The following SLC7A6 variants were observed in gnomAD, a reference collection of about 807,000 sequenced individuals.
The protein encoded by SLC7A6 is solute carrier family 7 member 6.
In SLC7A6, 29 loss-of-function variants were observed where a neutral mutation model predicts 46.6. The observed-to-expected ratio is 0.62, with a 90% CI of 0.46 to 0.85. The LOEUF is 0.85. Ranked by LOEUF, SLC7A6 falls within the 40% of genes least tolerant of loss-of-function variation. SLC7A6 has a pLI of 0.00. For missense variants in SLC7A6, 527 were observed against 647.6 expected (o/e 0.81, Z 2.02); for synonymous variants, 276 against 257.3 (o/e 1.07, Z -0.70).
chr16:68,271,337 C>T (rs1456427201), intron 2 of SLC7A6, among the ~76,000 whole-genome samples: 1 of 152,186 alleles, frequency 6.6e-6, no homozygotes, highest in African/African-American at 2.4e-5. Context: ...GAGACAGGGT[C>T]TCTGTCACCC....
rs561157186 is a variant in SLC7A6 at position 68,283,160 on chromosome 16, T to C, written c.524-4586T>C. ...GCACAGTTCTGCGAGAGGGTGCATA[T>C]GTTATTCACTATTAACTTGGGTTTC... On this transcript the variant is annotated intron_variant, in intron 3 of 10. Transcript: ENST00000219343. Among the ~76,000 whole-genome samples, 33 of 152,354 alleles carry C rather than the reference T, an allele frequency of 2.2e-4. 2 individuals are homozygous for C. The highest frequency in any genetic ancestry group is 6.2e-4 in the South Asian group (3 of 4,830).
In SLC7A6 at chr16:68,291,058, G is replaced by T. The variant is rs1339875509; in HGVS notation, c.795-151G>T. The T allele has an allele frequency of 4.4e-6, 4 of 912,628 alleles. No homozygotes were observed. In the African/African-American group the frequency reaches 6.7e-5, roughly 15 times the overall value. 56.5% of individuals were successfully genotyped at this position (912,628 alleles called of 1,614,324 possible). ...AAAGTTGGGTCTTTCTCAATAGAAA[G>T]AACCCAGGGTCAAGGGGAAGGTGAG... On this transcript the variant is annotated intron_variant, in intron 5 of 10. Transcript: ENST00000219343.
intron 3 of SLC7A6, 140 bp from the exon 4 acceptor site, chr16:68,287,606 C>T: frequency 6.6e-7 from 1 of 1,510,200 alleles, no homozygotes; most frequent in Admixed American, 2.1e-5. Context: ...CCCTCGCTTG[C>T]CAGTTCGCCT....
Position 68,300,648 on chromosome 16 carries a change from T to A in SLC7A6, c.*3320T>A. 1 of 985,460 alleles carries A rather than the reference T, an allele frequency of 1.0e-6. No individual in the cohort carries two copies. The highest frequency in any genetic ancestry group is 1.2e-6 in the Non-Finnish European group (1 of 829,934). The allele number at this position is 985,460 out of a possible 1,614,324, so 61.0% of individuals were successfully genotyped here. ...TCAAAGCTAGATTTTACTAAACACA[T>A]GTATCACATTCATATATATTGTTTC... is the stretch of plus-strand genomic sequence containing the variant. On this transcript the variant is annotated 3_prime_UTR_variant, in exon 11 of 11. Coordinates refer to ENST00000219343, the MANE Select transcript of SLC7A6 (RefSeq NM_003983.6).
At chr16:68,280,549 G>A (rs551759051) in intron 3 of SLC7A6, among the ~76,000 whole-genome samples, 28 of 151,780 alleles carry the variant, frequency 1.8e-4, no homozygotes, top group African/African-American at 5.6e-4. Flanking sequence ...ATTCCTGCCC[G>A]ATAAAATAAG....
At chr16:68,281,128 C>T (rs1331234881) in intron 3 of SLC7A6, among the ~76,000 whole-genome samples, 1 of 152,202 alleles carries the variant, frequency 6.6e-6, no homozygotes, top group African/African-American at 2.4e-5. Context: ...TTTGCTCACT[C>T]ATATTACTTT....
intron 3 of SLC7A6, among the ~76,000 whole-genome samples, chr16:68,277,637 T>A (rs928903032): frequency 1.1e-4 from 17 of 150,868 alleles, no homozygotes; most frequent in South Asian, 4.2e-4. Flanking sequence ...TTAAAAAAAA[T>A]TTTTTTTGAG....
intron 6 of SLC7A6, 87 bp from the exon 7 acceptor site, chr16:68,291,471 A>G: frequency 6.3e-7 from 1 of 1,578,982 alleles, no homozygotes; most frequent in Admixed American, 1.7e-5. Flanking sequence ...GCTGCTTAGC[A>G]GTGATTGCAT....
In SLC7A6 at chr16:68,265,059, G is replaced by A. The variant is rs1197789670; in HGVS notation, c.-166+483G>A. On this transcript the variant is annotated intron_variant, in intron 1 of 10. Transcript: ENST00000219343. ...ACCTGTGCTGTGTGGCGGCCGCGGT[G>A]GGGCAAAGAAAGACGCGGGCTCAGG... 2.0e-5 allele frequency among the ~76,000 whole-genome samples: 3 copies of A among 152,306 alleles called. No homozygotes were observed. The East Asian group carries it at 5.8e-4, about 29-fold the overall frequency.
At chr16:68,290,182 T>G (rs2043018493) in intron 4 of SLC7A6, 1 of 545,868 alleles carries the variant, frequency 1.8e-6, no homozygotes, top group Non-Finnish European at 3.2e-6. Flanking sequence ...AGCTAGTGGT[T>G]GTTGATCTTT....
chr16:68,271,804 CT>C (rs1464983376), intron 2 of SLC7A6, among the ~76,000 whole-genome samples: 1 of 148,104 alleles, frequency 6.8e-6, no homozygotes, highest in Non-Finnish European at 1.5e-5. Flanking sequence ...TTGCATTTTT[CT>C]TTTCTTTTTT....
chr16:68,290,727 T>C, intron 5 of SLC7A6, 187 bp downstream of exon 5: 1 of 692,568 alleles, frequency 1.4e-6, no homozygotes, highest in Non-Finnish European at 2.4e-6. Context: ...AGCCTTCGGC[T>C]CCCTGTCCTC....
intron 2 of SLC7A6, among the ~76,000 whole-genome samples, chr16:68,272,217 C>T (rs2042634699): frequency 2.0e-5 from 3 of 152,042 alleles, no homozygotes; most frequent in South Asian, 2.1e-4. Flanking sequence ...AGTTCAAGAC[C>T]AGCCTGGGCA....
intron 3 of SLC7A6, among the ~76,000 whole-genome samples, chr16:68,283,709 C>T (rs1247923438): frequency 6.6e-6 from 1 of 152,178 alleles, no homozygotes; most frequent in East Asian, 1.9e-4. Context: ...CAATAAGCTC[C>T]CAGAGAGCCT....
intron 5 of SLC7A6, 122 bp downstream of exon 5, chr16:68,290,662 C>G (rs1219355146): frequency 2.5e-6 from 3 of 1,196,304 alleles, no homozygotes; most frequent in Middle Eastern, 2.0e-4. Flanking sequence ...CCCTACTCCC[C>G]CTTCTCCAGC....
chr16:68,287,363 T>G (rs78490165), intron 3 of SLC7A6: 5 of 1,292,880 alleles, frequency 3.9e-6, no homozygotes, highest in Non-Finnish European at 5.0e-6. Context: ...CACTTACTGA[T>G]GAGTTTCTTT....
intron 2 of SLC7A6, 36 bp from the exon 3 acceptor site, chr16:68,274,655 C>G: frequency 6.4e-7 from 1 of 1,566,038 alleles, no homozygotes; most frequent in Admixed American, 1.8e-5. Context: ...CTCACCAGCT[C>G]CTGCCCTAGA....
intron 2 of SLC7A6, among the ~76,000 whole-genome samples, chr16:68,268,589 T>C (rs1034385097): frequency 6.6e-6 from 1 of 152,268 alleles, no homozygotes; most frequent in Non-Finnish European, 1.5e-5. Flanking sequence ...TGTGATAAAT[T>C]CATTTATTCC....
rs2043210746 is a variant in SLC7A6, at chr16:68,298,300, T to C, written c.*972T>C. Reference sequence around the variant, plus strand: ...ACTTCTGATATTCAGGTGGATCACCTGAATTCTCTCAGCTGTCAATGGCTT... The same window carrying C: ...ACTTCTGATATTCAGGTGGATCACCCGAATTCTCTCAGCTGTCAATGGCTT... On this transcript the variant is annotated 3_prime_UTR_variant, in exon 11 of 11. Transcript: ENST00000219343. 1 of 152,660 alleles carries C rather than the reference T, an allele frequency of 6.6e-6. No individual in the cohort carries two copies. The highest frequency in any genetic ancestry group is 2.4e-5 in the African/African-American group (1 of 41,454). 9.5% of individuals were successfully genotyped at this position (152,660 alleles called of 1,614,324 possible). A position where few individuals can be genotyped will look rare whatever the true frequency, so the allele number is the denominator to read the frequency against.
Sources: gnomAD v4.1 joint callset for allele counts (sites outside exome capture counted in the v4.1 genomes callset) on GRCh38, gnomAD v4.1.1 for gene constraint, MANE v1.5 for transcripts, NCBI Gene and HGNC (gene_info 2026-07-23, HGNC 2026-07-21) for gene names.